The following C8orf34 variants were observed in gnomAD, a reference collection of about 807,000 sequenced individuals.
The protein encoded by C8orf34 is chromosome 8 open reading frame 34, also known as uncharacterized protein C8orf34.
In C8orf34, 65 loss-of-function variants were observed where a neutral mutation model predicts 68.3. That is an observed-to-expected ratio of 0.95 (90% confidence interval 0.78 to 1.17). The LOEUF (loss-of-function observed/expected upper bound fraction) is 1.17. Ranked by LOEUF, C8orf34 falls within the 50% of genes most tolerant of loss-of-function variation. The pLI, the probability that C8orf34 is intolerant of heterozygous loss-of-function variation, is 0.00. For missense variants in C8orf34, 664 were observed against 655.4 expected (o/e 1.01, Z -0.14); for synonymous variants, 244 against 241.2 (o/e 1.01, Z -0.11).
At chr8:68,438,271 G>A (rs1326203908) in intron 1 of C8orf34, 2 of 152,110 alleles carry the variant, frequency 1.3e-5, no homozygotes, top group African/African-American at 4.8e-5. Flanking sequence ...ACAAACTGGT[G>A]AGCAAATGTT....
At chr8:68,547,414 C>T (rs1247833632) in intron 7 of C8orf34, among the ~76,000 whole-genome samples, 1 of 151,684 alleles carries the variant, frequency 6.6e-6, no homozygotes, top group Admixed American at 6.6e-5. Flanking sequence ...AAGAAGACTT[C>T]CAGTTCACAT....
At chr8:68,513,160 G>A (rs1814352548) in intron 5 of C8orf34, among the ~76,000 whole-genome samples, 1 of 152,150 alleles carries the variant, frequency 6.6e-6, no homozygotes, top group African/African-American at 2.4e-5. Context: ...TAACCTTTAA[G>A]GCTGTTTTTA....
At chr8:68,466,738 C>CATATATAT (rs35661495) in intron 3 of C8orf34, among the ~76,000 whole-genome samples, 1,430 of 120,428 alleles carry the variant, frequency 0.012, 68 homozygotes, top group African/African-American at 0.046. Context: ...CAACGTTGTA[C>CATATATAT]ATATATATAT....
chr8:68,698,995 AG>A (rs1399419453), intron 8 of C8orf34, among the ~76,000 whole-genome samples: 42 of 152,064 alleles, frequency 2.8e-4, no homozygotes, highest in African/African-American at 9.9e-4. Context: ...AAAGCTGTAA[AG>A]ATTAGGCACC....
At chr8:68,770,892 A>G (rs889755037) in intron 10 of C8orf34, among the ~76,000 whole-genome samples, 1 of 152,200 alleles carries the variant, frequency 6.6e-6, no homozygotes, top group African/African-American at 2.4e-5. Context: ...GGAAAAAATG[A>G]TACTGCAGAG....
intron 8 of C8orf34, among the ~76,000 whole-genome samples, chr8:68,677,184 T>A (rs2130863017): frequency 6.6e-6 from 1 of 152,084 alleles, no homozygotes; most frequent in East Asian, 1.9e-4. Flanking sequence ...GACCAGTGGG[T>A]CAATAAAGGA....
intron 7 of C8orf34, among the ~76,000 whole-genome samples, chr8:68,621,578 A>G (rs1422961519): frequency 6.6e-6 from 1 of 152,226 alleles, no homozygotes; most frequent in African/African-American, 2.4e-5. Context: ...AAATATTAAC[A>G]TTTGATAGCT....
chr8:68,743,722 C>T (rs182749167), intron 10 of C8orf34, among the ~76,000 whole-genome samples: 14 of 152,348 alleles, frequency 9.2e-5, no homozygotes, highest in African/African-American at 2.4e-4. Flanking sequence ...GCACCTGGCT[C>T]GGAGGGTCCT....
chr8:68,514,346 T>C (rs936371259), intron 5 of C8orf34, among the ~76,000 whole-genome samples: 1 of 152,150 alleles, frequency 6.6e-6, no homozygotes, highest in Non-Finnish European at 1.5e-5. Context: ...CCCACCTGGC[T>C]GTCTCAGATG....
rs1319672272 is a variant in C8orf34, at chr8:68,360,752, C to CTTTT, written c.327+29416_327+29417insTTTT. On this transcript the variant is annotated intron_variant, in intron 1 of 13. Coordinates refer to ENST00000518698, the MANE Select transcript of C8orf34 (RefSeq NM_052958.4). ...GAATATTTCCCTTTTCCTTTTCTTC[C>CTTTT]TTTCTTTTTTTTTTTTTTTTTCTTG... 7.4e-4 allele frequency among the ~76,000 whole-genome samples: 107 copies of CTTTT among 144,250 alleles called. 1 individual carries two copies. The highest frequency in any genetic ancestry group is 2.7e-3 in the African/African-American group (102 of 37,754). The allele number at this position is 144,250 out of a possible 152,430, so 94.6% of individuals were successfully genotyped here.
chr8:68,809,895 G>T (rs916938663), intron 12 of C8orf34, among the ~76,000 whole-genome samples: 3 of 152,172 alleles, frequency 2.0e-5, no homozygotes, highest in Non-Finnish European at 2.9e-5. Flanking sequence ...GGCATGTGAC[G>T]ATTAAAAAGA....
rs1479580664 is a variant in C8orf34 at position 68,519,677 on chromosome 8, G to A, written c.766-2122G>A. On this transcript the variant is annotated intron_variant, in intron 5 of 13. Transcript: ENST00000518698. ...TCTTTTATGAAAATATTAGTCCTGAGGGTTTGAAAATTAAAGCAAAACAAA... is the reference window on the plus strand; with the variant it reads ...TCTTTTATGAAAATATTAGTCCTGAAGGTTTGAAAATTAAAGCAAAACAAA... 1.3e-5 allele frequency among the ~76,000 whole-genome samples: 2 copies of A among 151,908 alleles called. 1 individual carries two copies. The highest frequency in any genetic ancestry group is 1.3e-4 in the Admixed American group (2 of 15,244).
chr8:68,742,241 A>T (rs1056737213), intron 10 of C8orf34, among the ~76,000 whole-genome samples: 1 of 152,170 alleles, frequency 6.6e-6, no homozygotes. Flanking sequence ...CATTTCATCA[A>T]TGACTCTCCA....
intron 8 of C8orf34, among the ~76,000 whole-genome samples, chr8:68,659,597 G>C (rs974152479): frequency 2.0e-5 from 3 of 152,140 alleles, no homozygotes; most frequent in Non-Finnish European, 4.4e-5. Flanking sequence ...TTGTTCACAG[G>C]AGTATACCTT....
chr8:68,557,555 G>A (rs1029472811), intron 7 of C8orf34, among the ~76,000 whole-genome samples: 9 of 152,086 alleles, frequency 5.9e-5, no homozygotes, highest in African/African-American at 2.2e-4. Flanking sequence ...TGCCCACCCA[G>A]ATCTTGCAGG....
chr8:68,808,318 T>C (rs1225976114), intron 12 of C8orf34, among the ~76,000 whole-genome samples: 2 of 152,174 alleles, frequency 1.3e-5, no homozygotes, highest in Admixed American at 1.3e-4. Flanking sequence ...GCAGAACCAT[T>C]AAATATTCAG....
chr8:68,715,931 C>T (rs59726188), intron 9 of C8orf34, among the ~76,000 whole-genome samples: 8,514 of 152,156 alleles, frequency 0.056, 300 homozygotes, highest in Middle Eastern at 0.11. Flanking sequence ...CTCATCAATC[C>T]ATGAGTAGAT....
rs535825682 is a variant in C8orf34, at chr8:68,344,495, C to A, written c.327+13156C>A. Among the ~76,000 whole-genome samples the A allele has an allele frequency of 1.2e-4, 19 of 152,140 alleles. No individual in the cohort carries two copies. The South Asian group carries it at 3.1e-3, about 25-fold the overall frequency. On this transcript the variant is annotated intron_variant, in intron 1 of 13. Coordinates refer to ENST00000518698, the MANE Select transcript of C8orf34 (RefSeq NM_052958.4). ...TATCCTGATTTTGTCAATATAAATA[C>A]CCCAGTTATGATATTCTTCTATAGT...
rs191320453 is a variant in C8orf34 at position 68,460,066 on chromosome 8, A to T, written c.608-8626A>T. ...GAAAGGGGTGACAGACGGCACCTGG[A>T]AAATCGGGTCACTCCCACCCTAATA... On this transcript the variant is annotated intron_variant, in intron 3 of 13. Transcript: ENST00000518698. Among the ~76,000 whole-genome samples, 1,291 of 152,292 alleles carry T rather than the reference A, an allele frequency of 8.5e-3. 21 individuals are homozygous for T. Among genetic ancestry groups the T allele is most frequent in the African/African-American group, 0.03 (1,232 of 41,556 alleles).
Sources: gnomAD v4.1 joint callset for allele counts (sites outside exome capture counted in the v4.1 genomes callset) on GRCh38, gnomAD v4.1.1 for gene constraint, MANE v1.5 for transcripts, NCBI Gene and HGNC (gene_info 2026-07-23, HGNC 2026-07-21) for gene names.